Variants in SDK1 observed in about 807,000 individuals in gnomAD.
The protein encoded by SDK1 is protein sidekick-1.
SDK1 carries 157 observed loss-of-function variants against 245.5 expected under a neutral mutation model. The observed-to-expected ratio is 0.64, with a 90% CI of 0.56 to 0.73. The LOEUF (loss-of-function observed/expected upper bound fraction) is 0.73, where lower values mean the gene tolerates loss of function less well. SDK1 is among the 30% of genes least tolerant of loss of function. SDK1 has a pLI of 0.00. For missense variants in SDK1, 3,583 were observed against 3,002.3 expected (o/e 1.19, Z -4.52); for synonymous variants, 1,647 against 1,278.5 (o/e 1.29, Z -6.15).
chr7:3,541,763 G>C (rs1340441546), intron 1 of SDK1, among the ~76,000 whole-genome samples: 4 of 152,146 alleles, frequency 2.6e-5, no homozygotes, highest in African/African-American at 9.7e-5. Flanking sequence ...CCTCCAATAA[G>C]ACATCACCCC....
intron 1 of SDK1, among the ~76,000 whole-genome samples, chr7:3,572,549 A>G (rs879505310): frequency 1.3e-5 from 2 of 152,052 alleles, no homozygotes; most frequent in Non-Finnish European, 2.9e-5. Flanking sequence ...AGCCCAACAT[A>G]AGAGTGCCTA....
chr7:3,407,851 A>G (rs921262671), intron 1 of SDK1, among the ~76,000 whole-genome samples: 2 of 152,162 alleles, frequency 1.3e-5, no homozygotes, highest in Admixed American at 6.5e-5. Context: ...ACTGCCACTT[A>G]CTGAGTGACT....
chr7:3,610,908 C>G (rs553222408), intron 1 of SDK1, among the ~76,000 whole-genome samples: 1 of 152,340 alleles, frequency 6.6e-6, no homozygotes, highest in African/African-American at 2.4e-5. Context: ...GGACAAATTA[C>G]TTGGAGAAAA....
intron 4 of SDK1, among the ~76,000 whole-genome samples, chr7:3,647,365 C>T (rs918878173): frequency 1.3e-5 from 2 of 152,142 alleles, no homozygotes; most frequent in African/African-American, 4.8e-5. Flanking sequence ...GATTCCTTCC[C>T]ACATTCTGGG....
intron 1 of SDK1, among the ~76,000 whole-genome samples, chr7:3,529,156 A>G (rs1290320228): frequency 1.3e-5 from 2 of 152,204 alleles, no homozygotes; most frequent in Non-Finnish European, 2.9e-5. Flanking sequence ...AATTGGAAGT[A>G]TTAATGTAAA....
intron 1 of SDK1, among the ~76,000 whole-genome samples, chr7:3,386,311 C>A (rs1288243470): frequency 6.6e-6 from 1 of 152,134 alleles, no homozygotes; most frequent in Admixed American, 6.5e-5. Context: ...ATGCAGATTG[C>A]AGTTTTAGCT....
At chr7:4,196,570 C>A (rs1783589433) in intron 35 of SDK1, among the ~76,000 whole-genome samples, 1 of 152,206 alleles carries the variant, frequency 6.6e-6, no homozygotes. Context: ...CTCCACTGTT[C>A]AAGTCTCTGC....
Position 3,369,792 on chromosome 7 carries a change from A to T in SDK1, c.298+67908A>T, listed in dbSNP as rs151034516. On this transcript the variant is annotated intron_variant, in intron 1 of 44. Coordinates refer to ENST00000404826, the MANE Select transcript of SDK1 (RefSeq NM_152744.4). ...TTCTTTAGTAATGAAAAACTAACCC[A>T]TGAAATGTGTGGTAGATTTTTCACT... 1.8e-4 allele frequency among the ~76,000 whole-genome samples: 28 copies of T among 152,352 alleles called. No homozygotes were observed. In the East Asian group the frequency reaches 5.2e-3, roughly 28 times the overall value.
At chr7:3,679,868 A>T (rs1045357005) in intron 4 of SDK1, among the ~76,000 whole-genome samples, 4 of 152,238 alleles carry the variant, frequency 2.6e-5, no homozygotes, top group African/African-American at 9.6e-5. Flanking sequence ...AACAAAACAT[A>T]CGCTTACCAT....
At chr7:4,064,076 A>G (rs561279234) in intron 19 of SDK1, among the ~76,000 whole-genome samples, 3 of 152,206 alleles carry the variant, frequency 2.0e-5, no homozygotes, top group African/African-American at 7.2e-5. Flanking sequence ...AAAATAGACA[A>G]ATGGGACTAT....
intron 8 of SDK1, among the ~76,000 whole-genome samples, chr7:3,961,758 G>A (rs2128129529): frequency 6.6e-6 from 1 of 152,314 alleles, no homozygotes; most frequent in East Asian, 1.9e-4. Flanking sequence ...TAGCTGTTGG[G>A]ATGAATAGTG....
intron 19 of SDK1, among the ~76,000 whole-genome samples, chr7:4,055,193 G>A (rs911428262): frequency 6.6e-6 from 1 of 152,134 alleles, no homozygotes; most frequent in African/African-American, 2.4e-5. Context: ...TTAAATGTTT[G>A]GTAGAATTTT....
At chr7:3,403,358 C>A (rs919810207) in intron 1 of SDK1, among the ~76,000 whole-genome samples, 12 of 152,060 alleles carry the variant, frequency 7.9e-5, no homozygotes, top group Non-Finnish European at 1.8e-4. Context: ...TTGCTTCTTT[C>A]AAATGGTGGG....
At chr7:4,056,686 G>C (rs1022680915) in intron 19 of SDK1, among the ~76,000 whole-genome samples, 7 of 152,092 alleles carry the variant, frequency 4.6e-5, no homozygotes, top group African/African-American at 1.7e-4. Flanking sequence ...CTCTCACAGG[G>C]AGACCGTGTG....
intron 35 of SDK1, 68 bp from the exon 36 acceptor site, chr7:4,205,811 T>C: frequency 2.4e-6 from 3 of 1,256,918 alleles, no homozygotes; most frequent in Non-Finnish European, 3.4e-6. Flanking sequence ...CCCATGGGCA[T>C]GTGGGCGAGG....
intron 5 of SDK1, among the ~76,000 whole-genome samples, chr7:3,936,983 C>A (rs1780185205): frequency 6.6e-6 from 1 of 152,182 alleles, no homozygotes; most frequent in Non-Finnish European, 1.5e-5. Context: ...AATGTTGGAA[C>A]TCGGAGAGGC....
chr7:4,134,060 C>G (rs1392203111), intron 28 of SDK1, among the ~76,000 whole-genome samples: 1 of 152,098 alleles, frequency 6.6e-6, no homozygotes, highest in African/African-American at 2.4e-5. Context: ...TCAGATTTGC[C>G]TTGTAGGTAA....
chr7:4,066,697 A>C (rs950631858), intron 19 of SDK1, among the ~76,000 whole-genome samples: 6 of 152,184 alleles, frequency 3.9e-5, no homozygotes, highest in African/African-American at 1.4e-4. Flanking sequence ...TGCTATGGGA[A>C]CACTAAAAGG....
chr7:3,942,557 T>C (rs1780406715), intron 5 of SDK1, among the ~76,000 whole-genome samples: 1 of 152,006 alleles, frequency 6.6e-6, no homozygotes, highest in African/African-American at 2.4e-5. Flanking sequence ...ATTGAGCTTT[T>C]AAAATAGGGT....
Sources: allele counts gnomAD v4.1 joint callset (sites outside exome capture counted in the v4.1 genomes callset), GRCh38; gene constraint gnomAD v4.1.1; transcripts MANE v1.5; gene names NCBI Gene and HGNC (gene_info 2026-07-23, HGNC 2026-07-21).